Variants in AGAP1 observed in about 807,000 individuals in gnomAD.
AGAP1 encodes ArfGAP with GTPase domain, ankyrin repeat and PH domain 1.
In AGAP1, 29 loss-of-function variants were observed where a neutral mutation model predicts 105.3. The ratio of observed to expected loss-of-function variants is 0.28; its 90% CI spans 0.21 to 0.38. AGAP1 has a LOEUF of 0.38. Ranked by LOEUF, AGAP1 falls within the 10% of genes least tolerant of loss-of-function variation. The pLI, the probability that AGAP1 is intolerant of heterozygous loss-of-function variation, is 1.00. For missense variants in AGAP1, 998 were observed against 1,165.1 expected (o/e 0.86, Z 2.09); for synonymous variants, 509 against 485.9 (o/e 1.05, Z -0.63).
rs1273297942 is a variant in AGAP1, at chr2:235,882,064, T to G, written c.1051-1281T>G. 2.0e-5 allele frequency among the ~76,000 whole-genome samples: 3 copies of G among 152,130 alleles called. No homozygotes were observed. ...GGTTTTTTTGTGGTTTTTGTTTTGT[T>G]TTGTTTTGGTGGGTTTTTTTGTGTT... On this transcript the variant is annotated intron_variant, in intron 9 of 17. Transcript: ENST00000304032. This position sits in a 1 kb window ranked among gnomAD's most constrained non-coding sequence, Gnocchi z 4.6.
At chr2:235,990,317 T>A (rs2055507307) in intron 13 of AGAP1, among the ~76,000 whole-genome samples, 1 of 152,160 alleles carries the variant, frequency 6.6e-6, no homozygotes, top group Non-Finnish European at 1.5e-5. Context: ...CCAGCAGAGT[T>A]CCCTGCAAAG....
At position 235,867,972 on chromosome 2, in the gene AGAP1, A is replaced by G. The variant is rs1452418787; in HGVS notation, c.1051-15373A>G. Among the ~76,000 whole-genome samples, 2 of 152,168 alleles carry G rather than the reference A, an allele frequency of 1.3e-5. No homozygotes were observed. The highest frequency in any genetic ancestry group is 2.9e-5 in the Non-Finnish European group (2 of 68,026). ...CATGTTTATAGGGGGAAAAATCTTA[A>G]TTAGAATAATTAGAATAAAATTATT... On this transcript the variant is annotated intron_variant, in intron 9 of 17. Coordinates refer to ENST00000304032, the MANE Select transcript of AGAP1 (RefSeq NM_001037131.3). This position sits in a 1 kb window ranked among gnomAD's most constrained non-coding sequence, Gnocchi z 5.4.
At chr2:235,933,692 C>G (rs2052842020) in intron 12 of AGAP1, among the ~76,000 whole-genome samples, 1 of 151,950 alleles carries the variant, frequency 6.6e-6, no homozygotes, top group African/African-American at 2.4e-5. Context: ...GCCACCGTGC[C>G]CGGCTAATTT....
Position 236,055,327 on chromosome 2 carries a change from T to G in AGAP1, c.2114+6046T>G, listed in dbSNP as rs1358843859. Among the ~76,000 whole-genome samples, 1 of 152,246 alleles carries G rather than the reference T, an allele frequency of 6.6e-6. No individual in the cohort carries two copies. The highest frequency in any genetic ancestry group is 2.4e-5 in the African/African-American group (1 of 41,466). Reference sequence around the variant, plus strand: ...GTACACACATGCACACTTTTGTGTGTGGCTTTATGTGCCTTGTTTTCATGT... The same window carrying G: ...GTACACACATGCACACTTTTGTGTGGGGCTTTATGTGCCTTGTTTTCATGT... On this transcript the variant is annotated intron_variant, in intron 16 of 17. Coordinates refer to ENST00000304032, the MANE Select transcript of AGAP1 (RefSeq NM_001037131.3). This position sits in a 1 kb window ranked among gnomAD's most constrained non-coding sequence, Gnocchi z 6.2.
At chr2:235,529,036 T>G (rs1415128712) in intron 1 of AGAP1, among the ~76,000 whole-genome samples, 2 of 152,232 alleles carry the variant, frequency 1.3e-5, no homozygotes, top group East Asian at 1.9e-4. Context: ...TCTCCTGCTG[T>G]GTGTCTTCTC....
Position 235,953,972 on chromosome 2 carries a change from G to A in AGAP1, c.1484-14490G>A, listed in dbSNP as rs1183709317. 6.6e-6 allele frequency among the ~76,000 whole-genome samples: 1 copy of A among 152,128 alleles called. No homozygotes were observed. Among genetic ancestry groups the A allele is most frequent in the African/African-American group, 2.4e-5 (1 of 41,440 alleles). ...AGGCCAGGCACAGTGGCTTATGCCT[G>A]TAATGCCAACATTTTGGGAGGCTGA... On this transcript the variant is annotated intron_variant, in intron 12 of 17. Coordinates refer to ENST00000304032, the MANE Select transcript of AGAP1 (RefSeq NM_001037131.3). This position sits in a 1 kb window ranked among gnomAD's most constrained non-coding sequence, Gnocchi z 5.2.
At chr2:235,646,105 T>C (rs1216030869) in intron 1 of AGAP1, among the ~76,000 whole-genome samples, 1 of 151,970 alleles carries the variant, frequency 6.6e-6, no homozygotes, top group East Asian at 1.9e-4. Context: ...TGAAATCTAG[T>C]CTGTACTGAA....
At position 235,965,118 on chromosome 2, in the gene AGAP1, G is replaced by T. The variant is rs2054338105; in HGVS notation, c.1484-3344G>T. On this transcript the variant is annotated intron_variant, in intron 12 of 17. Transcript: ENST00000304032. The surrounding 1 kb of genome is among the most constrained non-coding windows in gnomAD (Gnocchi z 5.8). ...ACCAGATGTCCACCGTGGAAAGCAA[G>T]TGTTGGGCAGAAGTGGCAGGGAAGT... Among the ~76,000 whole-genome samples the T allele has an allele frequency of 6.6e-6, 1 of 152,238 alleles. No individual in the cohort carries two copies. Among genetic ancestry groups the T allele is most frequent in the Admixed American group, 6.5e-5 (1 of 15,290 alleles).
In AGAP1 at chr2:235,698,263, T is replaced by C. The variant is rs542098421; in HGVS notation, c.164-10916T>C. 4.9e-3 allele frequency among the ~76,000 whole-genome samples: 671 copies of C among 136,634 alleles called. 6 individuals are homozygous for C. Among genetic ancestry groups the C allele is most frequent in the African/African-American group, 0.019 (622 of 32,552 alleles). The allele number at this position is 136,634 out of a possible 152,430, so 89.6% of individuals were successfully genotyped here. The stretch of plus-strand genomic sequence containing the variant: ...TATGGGGAGCAGCTGTAAATACAGA[T>C]GAAGCTTCGCTTTGCTTGCTCACAC... On this transcript the variant is annotated intron_variant, in intron 1 of 17. Coordinates refer to ENST00000304032, the MANE Select transcript of AGAP1 (RefSeq NM_001037131.3).
rs1168752905 is a variant in AGAP1, at chr2:235,659,120, G to T, written c.164-50059G>T. On this transcript the variant is annotated intron_variant, in intron 1 of 17. Transcript: ENST00000304032. This position sits in a 1 kb window ranked among gnomAD's most constrained non-coding sequence, Gnocchi z 5.0. The stretch of plus-strand genomic sequence containing the variant: ...CCGTTCTGGGCTTGCCCTGGGGAAG[G>T]CCCTGGAGCTGGATTCCCACACCCT... Among the ~76,000 whole-genome samples the T allele has an allele frequency of 6.6e-6, 1 of 152,114 alleles. No individual in the cohort carries two copies. Among genetic ancestry groups the T allele is most frequent in the Non-Finnish European group, 1.5e-5 (1 of 68,038 alleles).
intron 1 of AGAP1, among the ~76,000 whole-genome samples, chr2:235,640,297 A>G (rs1306729616): frequency 2.6e-5 from 4 of 152,232 alleles, no homozygotes; most frequent in Non-Finnish European, 5.9e-5. Flanking sequence ...CTGCAGTTAA[A>G]AGAGAAAATG....
chr2:235,974,386 A>G (rs1456535911), intron 13 of AGAP1, among the ~76,000 whole-genome samples: 1 of 152,256 alleles, frequency 6.6e-6, no homozygotes, highest in Non-Finnish European at 1.5e-5. Flanking sequence ...TTGTGTAGCA[A>G]AGATCTTTCT....
At chr2:235,630,218 G>A (rs1474041251) in intron 1 of AGAP1, among the ~76,000 whole-genome samples, 2 of 151,948 alleles carry the variant, frequency 1.3e-5, no homozygotes, top group South Asian at 2.1e-4. Context: ...ACGTCTTTCT[G>A]TACTTTTTTT....
chr2:235,808,387 A>G (rs1957953983), intron 9 of AGAP1, among the ~76,000 whole-genome samples: 1 of 152,170 alleles, frequency 6.6e-6, no homozygotes, highest in South Asian at 2.1e-4. Context: ...CTTTCCACAC[A>G]TGGAGTTGGA....
chr2:235,803,284 A>G (rs1169876569), intron 8 of AGAP1, among the ~76,000 whole-genome samples: 1 of 152,214 alleles, frequency 6.6e-6, no homozygotes, highest in Non-Finnish European at 1.5e-5. Context: ...TGTCAGTGTC[A>G]TCCAAGGAAC....
chr2:235,555,543 C>T lies in AGAP1; in HGVS notation c.163+60694C>T, dbSNP rs1943946573. Among the ~76,000 whole-genome samples, 1 of 152,238 alleles carries T rather than the reference C, an allele frequency of 6.6e-6. No individual in the cohort carries two copies. Among genetic ancestry groups the T allele is most frequent in the Non-Finnish European group, 1.5e-5 (1 of 68,044 alleles). ...GAAGGCAGCTTATGTCATGTTCCCT[C>T]TGCCACCGCCAGCTGTCCTGCAGCA... On this transcript the variant is annotated intron_variant, in intron 1 of 17. Transcript: ENST00000304032. The surrounding 1 kb of genome is among the most constrained non-coding windows in gnomAD (Gnocchi z 5.1).
intron 1 of AGAP1, among the ~76,000 whole-genome samples, chr2:235,617,058 A>G (rs1946330715): frequency 6.6e-6 from 1 of 152,096 alleles, no homozygotes; most frequent in African/African-American, 2.4e-5. Context: ...TTTGCTGTAA[A>G]GAAGGGAAAC....
chr2:235,806,330 A>G (rs1957831904), intron 8 of AGAP1, among the ~76,000 whole-genome samples: 1 of 152,222 alleles, frequency 6.6e-6, no homozygotes, highest in South Asian at 2.1e-4. Context: ...TTGTCAGCAC[A>G]GTTATTAAGG....
chr2:235,780,095 C>T (rs1238821879), intron 6 of AGAP1, among the ~76,000 whole-genome samples: 1 of 152,122 alleles, frequency 6.6e-6, no homozygotes, highest in East Asian at 1.9e-4. Context: ...TAGGAGGTGA[C>T]ATTCCTGGGG....
Sources: gnomAD v4.1 joint callset for allele counts (sites outside exome capture counted in the v4.1 genomes callset) on GRCh38, gnomAD v4.1.1 for gene constraint, Gnocchi (gnomAD v3.1) non-coding constraint, MANE v1.5 for transcripts, NCBI Gene and HGNC (gene_info 2026-07-23, HGNC 2026-07-21) for gene names.